The following ADAMTSL1 variants were observed in gnomAD, a reference collection of about 807,000 sequenced individuals.
ADAMTSL1 encodes the protein ADAMTS like 1, also known as ADAMTS-like protein 1.
A neutral mutation model predicts 201.8 loss-of-function variants in ADAMTSL1; 126 were observed. That is an observed-to-expected ratio of 0.62 (90% CI 0.54 to 0.72). The LOEUF (loss-of-function observed/expected upper bound fraction) is 0.72. Among genes scored for constraint, ADAMTSL1 ranks in the 30% least tolerant of loss-of-function variants. The pLI, the probability that ADAMTSL1 is intolerant of heterozygous loss-of-function variation, is 0.00. For synonymous variants in ADAMTSL1, 1,121 were observed against 903.4 expected (o/e 1.24, Z -4.32); for missense variants, 2,679 against 2,277.8 (o/e 1.18, Z -3.59).
chr9:18,182,533 A>G (rs943178104), intron 2 of ADAMTSL1, among the ~76,000 whole-genome samples: 1 of 152,240 alleles, frequency 6.6e-6, no homozygotes, highest in Non-Finnish European at 1.5e-5. Context: ...TGTTTATATA[A>G]GGAGAAATGC....
chr9:18,178,725 C>A (rs1233406706), intron 2 of ADAMTSL1, among the ~76,000 whole-genome samples: 1 of 151,840 alleles, frequency 6.6e-6, no homozygotes, highest in Non-Finnish European at 1.5e-5. Flanking sequence ...GACCCCTGAC[C>A]CCCGAGCAGC....
intron 21 of ADAMTSL1, among the ~76,000 whole-genome samples, chr9:18,818,367 C>G (rs1823995194): frequency 6.6e-6 from 1 of 152,120 alleles, no homozygotes; most frequent in Non-Finnish European, 1.5e-5. Context: ...GAAGGTTTAC[C>G]TCAATTTGTT....
chr9:18,664,705 A>G (rs1034214964), intron 9 of ADAMTSL1, among the ~76,000 whole-genome samples: 76 of 152,074 alleles, frequency 5.0e-4, no homozygotes, highest in Admixed American at 2.8e-3. Flanking sequence ...TTTATTCCCT[A>G]TCAAGGCTTG....
At chr9:17,924,726 C>T (rs1481501101) in intron 1 of ADAMTSL1, among the ~76,000 whole-genome samples, 4 of 145,602 alleles carry the variant, frequency 2.7e-5, no homozygotes, top group African/African-American at 5.1e-5. Flanking sequence ...AAGATTTAAA[C>T]GTTAGACCTA....
intron 14 of ADAMTSL1, among the ~76,000 whole-genome samples, chr9:18,720,667 C>T (rs1833288242): frequency 6.6e-6 from 1 of 152,160 alleles, no homozygotes; most frequent in Non-Finnish European, 1.5e-5. Context: ...CCTGTAATCC[C>T]AGCTACTCGG....
At chr9:18,196,483 A>T (rs1829189256) in intron 2 of ADAMTSL1, among the ~76,000 whole-genome samples, 1 of 152,054 alleles carries the variant, frequency 6.6e-6, no homozygotes, top group African/African-American at 2.4e-5. Context: ...CTCCTCCGGG[A>T]TTCCTTGATG....
chr9:18,251,007 G>A (rs1038626968), intron 2 of ADAMTSL1, among the ~76,000 whole-genome samples: 20 of 152,056 alleles, frequency 1.3e-4, no homozygotes, highest in Non-Finnish European at 8.8e-5. Context: ...AGATCTCAAT[G>A]AAGAAATAGA....
chr9:18,291,290 T>C (rs922236806), intron 2 of ADAMTSL1, among the ~76,000 whole-genome samples: 3 of 152,152 alleles, frequency 2.0e-5, no homozygotes, highest in Admixed American at 1.3e-4. Flanking sequence ...AAAATTGATT[T>C]CATATTTATT....
At chr9:18,000,107 T>C (rs1819552086) in intron 1 of ADAMTSL1, among the ~76,000 whole-genome samples, 1 of 150,942 alleles carries the variant, frequency 6.6e-6, no homozygotes, top group Non-Finnish European at 1.5e-5. Context: ...TATAGTCATA[T>C]GGGTATATAC....
chr9:18,120,992 C>A (rs947225932), intron 1 of ADAMTSL1, among the ~76,000 whole-genome samples: 1 of 151,964 alleles, frequency 6.6e-6, no homozygotes, highest in Non-Finnish European at 1.5e-5. Flanking sequence ...GGAAGTCATA[C>A]CAAAGCTTTT....
chr9:18,745,497 C>T (rs1324577382), intron 15 of ADAMTSL1, among the ~76,000 whole-genome samples: 1 of 152,098 alleles, frequency 6.6e-6, no homozygotes, highest in African/African-American at 2.4e-5. Context: ...TTTTTATTCT[C>T]CCAATTCCTG....
intron 19 of ADAMTSL1, among the ~76,000 whole-genome samples, chr9:18,784,529 C>G (rs1343716218): frequency 6.6e-6 from 1 of 152,156 alleles, no homozygotes; most frequent in Non-Finnish European, 1.5e-5. Context: ...GATACCTGTT[C>G]CTAACCAAAC....
chr9:18,197,012 T>C (rs1444937216), intron 2 of ADAMTSL1, among the ~76,000 whole-genome samples: 1 of 152,154 alleles, frequency 6.6e-6, no homozygotes, highest in African/African-American at 2.4e-5. Flanking sequence ...TCCTTCAAAG[T>C]GCTTTTAACA....
intron 2 of ADAMTSL1, among the ~76,000 whole-genome samples, chr9:18,310,399 A>AAAAAAT (rs1440483712): frequency 7.9e-6 from 1 of 127,322 alleles, no homozygotes; most frequent in Non-Finnish European, 1.7e-5. Context: ...AAAAAAAAAA[A>AAAAAAT]CTATCTTCAG....
At chr9:18,317,328 C>G (rs188538738) in intron 2 of ADAMTSL1, among the ~76,000 whole-genome samples, 1 of 151,674 alleles carries the variant, frequency 6.6e-6, no homozygotes, top group Non-Finnish European at 1.5e-5. Flanking sequence ...AGCATGGTGA[C>G]TTTTATTAAT....
chr9:18,039,588 C>A (rs1821349491), intron 1 of ADAMTSL1, among the ~76,000 whole-genome samples: 1 of 152,060 alleles, frequency 6.6e-6, no homozygotes, highest in Admixed American at 6.6e-5. Flanking sequence ...TCTCACAATG[C>A]ATTGAGCAAA....
intron 1 of ADAMTSL1, among the ~76,000 whole-genome samples, chr9:18,043,368 G>C (rs1038858861): frequency 6.6e-6 from 1 of 152,088 alleles, no homozygotes. Context: ...AAATTTTTTG[G>C]GGGGATGTGT....
At chr9:17,947,573 C>T (rs1164360407) in intron 1 of ADAMTSL1, among the ~76,000 whole-genome samples, 3 of 152,072 alleles carry the variant, frequency 2.0e-5, no homozygotes, top group Admixed American at 1.3e-4. Flanking sequence ...TTTGCAATTG[C>T]AGTTGCAATT....
intron 1 of ADAMTSL1, among the ~76,000 whole-genome samples, chr9:17,982,416 C>A (rs1017011879): frequency 6.6e-6 from 1 of 152,068 alleles, no homozygotes; most frequent in Admixed American, 6.5e-5. Flanking sequence ...AGTTCGAGAC[C>A]AGGCTGGCCA....
Sources: gnomAD v4.1 joint callset for allele counts (sites outside exome capture counted in the v4.1 genomes callset) on GRCh38, gnomAD v4.1.1 for gene constraint, MANE v1.5 for transcripts, NCBI Gene and HGNC (gene_info 2026-07-23, HGNC 2026-07-21) for gene names.